TIAM2: variants seen among roughly 807,000 people sequenced by gnomAD.
TIAM2 encodes TIAM Rac1 associated GEF 2, also known as rho guanine nucleotide exchange factor TIAM2.
A neutral mutation model predicts 152.9 loss-of-function variants in TIAM2; 80 were observed. That is an observed-to-expected ratio of 0.52 (90% CI 0.44 to 0.63). The LOEUF (loss-of-function observed/expected upper bound fraction) is 0.63, where lower values mean the gene tolerates loss of function less well. Ranked by LOEUF, TIAM2 falls within the 30% of genes least tolerant of loss-of-function variation. The pLI, the probability that TIAM2 is intolerant of heterozygous loss-of-function variation, is 0.00. For synonymous variants in TIAM2, 804 were observed against 838.0 expected (o/e 0.96, Z 0.70); for missense variants, 1,965 against 2,120.1 (o/e 0.93, Z 1.44).
chr6:155,099,609 G>T (rs1446060868), intron 2 of TIAM2, among the ~76,000 whole-genome samples: 1 of 152,312 alleles, frequency 6.6e-6, no homozygotes, highest in East Asian at 1.9e-4. Context: ...TTGAGGCCCA[G>T]TAACATTGCT....
intron 5 of TIAM2, among the ~76,000 whole-genome samples, chr6:155,142,696 T>C (rs1272612786): frequency 6.6e-6 from 1 of 152,246 alleles, no homozygotes; most frequent in African/African-American, 2.4e-5. Context: ...GAAGCAGCTC[T>C]GGCTGTAAAC....
intron 15 of TIAM2, among the ~76,000 whole-genome samples, chr6:155,234,912 C>T (rs935775714): frequency 2.6e-5 from 4 of 152,226 alleles, no homozygotes; most frequent in Non-Finnish European, 5.9e-5. Context: ...AACTAGATTG[C>T]TTTGCCTGTG....
chr6:155,236,142 C>T (rs1274241723), intron 15 of TIAM2, among the ~76,000 whole-genome samples: 1 of 151,916 alleles, frequency 6.6e-6, no homozygotes, highest in African/African-American at 2.4e-5. Context: ...TAGCTCACTT[C>T]ATAGGAGGCC....
chr6:155,052,241 T>C (rs1271696420), intron 1 of TIAM2, among the ~76,000 whole-genome samples: 1 of 152,184 alleles, frequency 6.6e-6, no homozygotes, highest in Non-Finnish European at 1.5e-5. Context: ...AAATGCAGAA[T>C]CTAATAAAAC....
intron 16 of TIAM2, among the ~76,000 whole-genome samples, chr6:155,241,616 T>C (rs1783040034): frequency 6.6e-6 from 1 of 152,214 alleles, no homozygotes; most frequent in African/African-American, 2.4e-5. Flanking sequence ...CCCCCTTTTG[T>C]TGATGTCGCT....
At chr6:155,144,517 T>C in intron 5 of TIAM2, 89 bp from the exon 6 acceptor site, 1 of 1,322,024 alleles carries the variant, frequency 7.6e-7, no homozygotes, top group Non-Finnish European at 9.9e-7. Context: ...CACTCAGGTG[T>C]TTTTAAAAAA....
At chr6:155,038,934 G>A (rs1229623018) in intron 1 of TIAM2, among the ~76,000 whole-genome samples, 3 of 148,898 alleles carry the variant, frequency 2.0e-5, no homozygotes, top group African/African-American at 4.9e-5. Flanking sequence ...GTGACGGAGC[G>A]AGAGCCTGTG....
rs144849759 is a variant in TIAM2, at chr6:155,021,154, C to T, written c.-209+25662C>T. Among the ~76,000 whole-genome samples, 4 of 152,270 alleles carry T rather than the reference C, an allele frequency of 2.6e-5. No homozygotes were observed. In the East Asian group the frequency reaches 5.8e-4, roughly 22 times the overall value. ...GTCCACAGACATTTGGGTTTTTCTACTTTTTGGCTACTGTCAATATGGTAG... is the reference window on the plus strand; with the variant it reads ...GTCCACAGACATTTGGGTTTTTCTATTTTTTGGCTACTGTCAATATGGTAG... On this transcript the variant is annotated intron_variant, in intron 1 of 26. Coordinates refer to ENST00000682666, the MANE Select transcript of TIAM2 (RefSeq NM_012454.4).
intron 2 of TIAM2, among the ~76,000 whole-genome samples, chr6:155,093,802 T>G (rs1043368567): frequency 3.3e-5 from 5 of 152,166 alleles, no homozygotes; most frequent in African/African-American, 7.2e-5. Flanking sequence ...GTGGCCCCCT[T>G]TCTAAATTCA....
intron 15 of TIAM2, among the ~76,000 whole-genome samples, chr6:155,233,996 T>A (rs377017399): frequency 0.013 from 1,247 of 96,094 alleles, 19 homozygotes; most frequent in African/African-American, 0.04. Context: ...TGAGAGAAAA[T>A]TTTTTTTGGG....
intron 18 of TIAM2, among the ~76,000 whole-genome samples, chr6:155,245,196 GC>G (rs1170743054): frequency 6.6e-6 from 1 of 152,210 alleles, no homozygotes; most frequent in African/African-American, 2.4e-5. Flanking sequence ...CTTCTATGAA[GC>G]ACCAGTGCTC....
chr6:155,008,642 G>A (rs1219705414), intron 1 of TIAM2, among the ~76,000 whole-genome samples: 2 of 152,108 alleles, frequency 1.3e-5, no homozygotes, highest in African/African-American at 4.8e-5. Context: ...CTACCCCGCA[G>A]GCAGTGTGCC....
intron 9 of TIAM2, among the ~76,000 whole-genome samples, chr6:155,171,283 T>G (rs993844503): frequency 3.3e-5 from 5 of 152,244 alleles, no homozygotes; most frequent in Non-Finnish European, 5.9e-5. Context: ...ACACTTTGGC[T>G]TGCCAAAAAT....
At chr6:155,209,931 C>T (rs1171575934) in intron 14 of TIAM2, among the ~76,000 whole-genome samples, 2 of 152,196 alleles carry the variant, frequency 1.3e-5, no homozygotes, top group African/African-American at 2.4e-5. Context: ...CTTCCCTGCC[C>T]CCATCATGCT....
intron 1 of TIAM2, among the ~76,000 whole-genome samples, chr6:155,069,386 G>A (rs928702089): frequency 1.1e-4 from 16 of 152,090 alleles, no homozygotes; most frequent in African/African-American, 3.6e-4. Context: ...AAGCAACCAC[G>A]CCCAGCCTGT....
chr6:155,089,786 A>T (rs1047700091), intron 1 of TIAM2, among the ~76,000 whole-genome samples: 6 of 152,016 alleles, frequency 3.9e-5, no homozygotes, highest in Non-Finnish European at 8.8e-5. Context: ...TATTTTTGTT[A>T]TTTGTTTATT....
Position 155,137,596 on chromosome 6 carries a change from C to G in TIAM2, c.1614C>G (p.Tyr538Ter). Residue 538 changes from tyrosine to a stop codon, truncating the protein, a stop_gained, in exon 5 of 27, where the codon TAC (tyrosine) becomes TAG (stop). Coordinates refer to ENST00000682666, the MANE Select transcript of TIAM2 (RefSeq NM_012454.4). LOFTEE classifies it high-confidence loss of function. ...ELVARRKWKQYWVTLKGCTLL... is the reference protein window; with the variant it reads ...ELVARRKWKQ ...TGGCACGAAGGAAATGGAAACAGTA[C>G]TGGGTAACGCTGAAAGGTGAGTGCA... 1 of 1,591,304 alleles carries G rather than the reference C, an allele frequency of 6.3e-7. No homozygotes were observed.
intron 1 of TIAM2, among the ~76,000 whole-genome samples, chr6:155,029,476 GTATATATACTA>G (rs1776761947): frequency 1.2e-4 from 1 of 8,388 alleles, no homozygotes; most frequent in African/African-American, 4.1e-4. Flanking sequence ...ATATACTATA[GTATATATACTA>G]TAGTATATAT....
At chr6:155,028,457 A>G (rs1353688429) in intron 1 of TIAM2, among the ~76,000 whole-genome samples, 2 of 135,934 alleles carry the variant, frequency 1.5e-5, no homozygotes, top group Admixed American at 7.7e-5. Context: ...TATACTACAT[A>G]TAATATATAT....
Sources: gnomAD v4.1 joint callset for allele counts (sites outside exome capture counted in the v4.1 genomes callset) on GRCh38, gnomAD v4.1.1 for gene constraint, MANE v1.5 for transcripts, NCBI Gene and HGNC (gene_info 2026-07-23, HGNC 2026-07-21) for gene names.